FREM2: variants seen among roughly 807,000 people sequenced by gnomAD.
FREM2 encodes FRAS1-related extracellular matrix protein 2.
FREM2 carries 119 observed loss-of-function variants against 219.9 expected under a neutral mutation model. That is an observed-to-expected ratio of 0.54 (90% confidence interval 0.47 to 0.63). FREM2 has a LOEUF of 0.63. Among genes scored for constraint, FREM2 ranks in the 30% least tolerant of loss-of-function variants. FREM2 has a pLI of 0.00. For synonymous variants in FREM2, 1,562 were observed against 1,522.8 expected, an observed-to-expected ratio of 1.03 and a Z score of -0.60; for missense variants, 4,030 against 3,993.6, an observed-to-expected ratio of 1.01 and a Z score of -0.25.
chr13:38,702,717 C>G (rs1354445215), intron 2 of FREM2, among the ~76,000 whole-genome samples: 1 of 152,042 alleles, frequency 6.6e-6, no homozygotes, highest in African/African-American at 2.4e-5. Flanking sequence ...AGGAGTCTTA[C>G]ATTTGTATTC....
chr13:38,708,015 C>T (rs1266253351), intron 2 of FREM2, among the ~76,000 whole-genome samples: 3 of 152,230 alleles, frequency 2.0e-5, no homozygotes, highest in African/African-American at 7.2e-5. Context: ...AGGATTCCCA[C>T]ACATTCTCCA....
chr13:38,784,680 TC>T lies in FREM2; in HGVS notation c.5892del (p.Ile1965Ter). The T allele has an allele frequency of 6.2e-7, 1 of 1,614,136 alleles. No individual in the cohort carries two copies. Among genetic ancestry groups the T allele is most frequent in the Non-Finnish European group, 8.5e-7 (1 of 1,180,010 alleles). On this transcript the variant is annotated frameshift_variant, in exon 6 of 24. Transcript: ENST00000280481. LOFTEE classifies it high-confidence loss of function. ...GAACGGGAGAAACTGTGTCGGATAG[TC>T]ATAATTGATGACTCTTTGTACGAGG... is the stretch of plus-strand genomic sequence containing the variant. ...KDEREKLCRI[V>X]IIDDSLYEEE...
chr13:38,758,587 T>G (rs541254684), intron 2 of FREM2, among the ~76,000 whole-genome samples: 1 of 152,344 alleles, frequency 6.6e-6, no homozygotes, highest in East Asian at 1.9e-4. Context: ...GCTTCAGCTC[T>G]GCACCAGGTG....
chr13:38,689,912 T>C lies in FREM2; in HGVS notation c.2568T>C (p.Asp856=). Residue 856 remains aspartate, a synonymous_variant, in exon 1 of 24, where the codon GAT becomes GAC. Coordinates refer to ENST00000280481, the MANE Select transcript of FREM2 (RefSeq NM_207361.6). ...ILSETELHVN[D]VDTDVAHISF... ...GTGAGACAGAGTTGCACGTGAATGA[T>C]GTAGACACTGATGTTGCCCATATCT... 1.9e-6 allele frequency: 3 copies of C among 1,614,182 alleles called. No homozygotes were observed.
rs1566179764 is a variant in FREM2, at chr13:38,886,339, CACACACACACACAT to C, written c.*5562_*5575del. On this transcript the variant is annotated 3_prime_UTR_variant, in exon 24 of 24. Coordinates refer to ENST00000280481, the MANE Select transcript of FREM2 (RefSeq NM_207361.6). ...AAGTTGTTGGCAAAATATATATATA[CACACACACACACAT>C]ACACACACATATATGTACATACATA... 6.6e-6 allele frequency: 1 copy of C among 151,206 alleles called. No individual in the cohort carries two copies. The highest frequency in any genetic ancestry group is 1.9e-4 in the East Asian group (1 of 5,188). 9.4% of individuals were successfully genotyped at this position (151,206 alleles called of 1,614,324 possible).
At chr13:38,710,143 G>A (rs1416704557) in intron 2 of FREM2, among the ~76,000 whole-genome samples, 1 of 151,700 alleles carries the variant, frequency 6.6e-6, no homozygotes, top group Non-Finnish European at 1.5e-5. Context: ...GAGATTGCGC[G>A]ACTGCACTCC....
chr13:38,766,817 A>G (rs1420552388), intron 3 of FREM2, among the ~76,000 whole-genome samples: 1 of 152,224 alleles, frequency 6.6e-6, no homozygotes, highest in Non-Finnish European at 1.5e-5. Flanking sequence ...ACGTACATTA[A>G]GCACTTTATC....
chr13:38,723,723 G>A lies in FREM2; in HGVS notation c.5263+25936G>A, dbSNP rs973311193. ...AAACAAATTTACTTCATGACTATAC[G>A]TCAAGAAGGGTACTAGCTATGTACC... On this transcript the variant is annotated intron_variant, in intron 2 of 23. Coordinates refer to ENST00000280481, the MANE Select transcript of FREM2 (RefSeq NM_207361.6). 3.3e-5 allele frequency among the ~76,000 whole-genome samples: 5 copies of A among 152,158 alleles called. No individual in the cohort carries two copies. The East Asian group carries it at 5.8e-4, about 18-fold the overall frequency.
chr13:38,824,410 C>T (rs976825437), intron 6 of FREM2, among the ~76,000 whole-genome samples: 12 of 152,124 alleles, frequency 7.9e-5, no homozygotes, highest in African/African-American at 2.4e-4. Context: ...TATTCTGGCT[C>T]GGTACACAAA....
At chr13:38,779,116 C>T (rs1874000594) in intron 4 of FREM2, among the ~76,000 whole-genome samples, 1 of 151,908 alleles carries the variant, frequency 6.6e-6, no homozygotes, top group Non-Finnish European at 1.5e-5. Flanking sequence ...TCTCAGCAAA[C>T]TAACACAGGA....
intron 6 of FREM2, among the ~76,000 whole-genome samples, chr13:38,803,043 A>T (rs552691314): frequency 6.6e-6 from 1 of 152,134 alleles, no homozygotes; most frequent in East Asian, 1.9e-4. Flanking sequence ...TTGTCTATTC[A>T]AAGTTTGAAT....
rs548990357 is a variant in FREM2, at chr13:38,731,745, G to A, written c.5264-32559G>A. 1.3e-3 allele frequency among the ~76,000 whole-genome samples: 201 copies of A among 152,206 alleles called. 1 individual carries two copies. The highest frequency in any genetic ancestry group is 4.7e-3 in the African/African-American group (196 of 41,518). On this transcript the variant is annotated intron_variant, in intron 2 of 23. Transcript: ENST00000280481. ...AACAGACAGGCAGGCCTGTGCTCCT[G>A]GAATTTGTTTTGTAGGCACCAGCTA... is the stretch of plus-strand genomic sequence containing the variant.
At chr13:38,729,023 C>T (rs1005283876) in intron 2 of FREM2, among the ~76,000 whole-genome samples, 5 of 152,106 alleles carry the variant, frequency 3.3e-5, no homozygotes, top group South Asian at 2.1e-4. Flanking sequence ...TTAGTAGAGA[C>T]GGGGTTTCCC....
rs138205896 is a variant in FREM2 at position 38,703,673 on chromosome 13, C to A, written c.5263+5886C>A. Among the ~76,000 whole-genome samples the A allele has an allele frequency of 3.5e-3, 530 of 152,128 alleles. 6 individuals are homozygous for A. Among genetic ancestry groups the A allele is most frequent in the Non-Finnish European group, 4.0e-3 (270 of 67,972 alleles). ...AAAAGTATAAACTCAAGTTTTTATA[C>A]CTTTTAGATAGAAAAGTAAAACTCA... On this transcript the variant is annotated intron_variant, in intron 2 of 23. Coordinates refer to ENST00000280481, the MANE Select transcript of FREM2 (RefSeq NM_207361.6).
Position 38,784,793 on chromosome 13 carries a change from C to G in FREM2, c.6004C>G (p.Pro2002Ala), listed in dbSNP as rs372782469. The change falls in exon 6 of 24, where the codon CCT becomes GCT. Residue 2002 changes from proline (P) to alanine (A), a missense_variant. Coordinates refer to ENST00000280481, the MANE Select transcript of FREM2 (RefSeq NM_207361.6). ...EFPGAQVTIV[P>A]DKDDEPIFYF... ...CCCAGGGGCTCAAGTTACAATCGTT[C>G]CTGACAAAGATGATGGTGAGTACTA... 1 of 1,614,114 alleles carries G rather than the reference C, an allele frequency of 6.2e-7. No individual in the cohort carries two copies.
chr13:38,818,128 T>A (rs1010569862), intron 6 of FREM2, among the ~76,000 whole-genome samples: 1 of 152,148 alleles, frequency 6.6e-6, no homozygotes, highest in African/African-American at 2.4e-5. Context: ...GTATGGCGGT[T>A]CCTCAATTAA....
At chr13:38,812,954 C>T (rs1442819197) in intron 6 of FREM2, among the ~76,000 whole-genome samples, 1 of 150,854 alleles carries the variant, frequency 6.6e-6, no homozygotes, top group African/African-American at 2.4e-5. Flanking sequence ...TACCGTTTAA[C>T]TTCACCCCTG....
At chr13:38,871,575 A>T (rs1013146668) in intron 16 of FREM2, among the ~76,000 whole-genome samples, 1 of 152,184 alleles carries the variant, frequency 6.6e-6, no homozygotes, top group South Asian at 2.1e-4. Context: ...GAAAAAAAAC[A>T]TGGGCCAAAA....
At chr13:38,706,558 T>C (rs888999556) in intron 2 of FREM2, among the ~76,000 whole-genome samples, 6 of 152,180 alleles carry the variant, frequency 3.9e-5, no homozygotes, top group African/African-American at 1.4e-4. Flanking sequence ...TGTATGTAGA[T>C]ACTCCTAACA....
Sources: allele counts gnomAD v4.1 joint callset (sites outside exome capture counted in the v4.1 genomes callset), GRCh38; gene constraint gnomAD v4.1.1; transcripts MANE v1.5; gene names NCBI Gene and HGNC (gene_info 2026-07-23, HGNC 2026-07-21).